The following ZNF385D variants were observed in gnomAD, a reference collection of about 807,000 sequenced individuals.
The protein encoded by ZNF385D is zinc finger protein 659.
ZNF385D carries 15 observed loss-of-function variants against 35.8 expected under a neutral mutation model. The ratio of observed to expected loss-of-function variants is 0.42; its 90% CI spans 0.28 to 0.64. The LOEUF (loss-of-function observed/expected upper bound fraction) is 0.64, where lower values mean the gene tolerates loss of function less well. ZNF385D is among the 30% of genes least tolerant of loss of function. The pLI is 0.23. For missense variants in ZNF385D, 474 were observed against 494.6 expected, an observed-to-expected ratio of 0.96 and a Z score of 0.39; for synonymous variants, 212 against 186.8, an observed-to-expected ratio of 1.13 and a Z score of -1.10.
intron 3 of ZNF385D, among the ~76,000 whole-genome samples, chr3:21,809,661 T>TAG (rs1553672101): frequency 6.7e-6 from 1 of 148,160 alleles, no homozygotes; most frequent in Admixed American, 6.8e-5. Context: ...CATATACATA[T>TAG]ATACACATAT....
chr3:21,941,196 G>C (rs1701498561), intron 3 of ZNF385D, among the ~76,000 whole-genome samples: 1 of 152,074 alleles, frequency 6.6e-6, no homozygotes, highest in African/African-American at 2.4e-5. Context: ...TGGGTTCAAA[G>C]CTTTGATTTT....
chr3:21,905,037 T>C (rs952920861), intron 3 of ZNF385D, among the ~76,000 whole-genome samples: 1 of 151,926 alleles, frequency 6.6e-6, no homozygotes, highest in Non-Finnish European at 1.5e-5. Context: ...CTATAATAGA[T>C]TAAAATACCT....
chr3:21,991,260 C>T (rs953016155), intron 3 of ZNF385D, among the ~76,000 whole-genome samples: 2 of 152,110 alleles, frequency 1.3e-5, no homozygotes, highest in African/African-American at 2.4e-5. Flanking sequence ...TGGCAAAGAT[C>T]GTTTCATGTT....
At chr3:22,306,133 G>A (rs952695994) in intron 2 of ZNF385D, among the ~76,000 whole-genome samples, 4 of 152,006 alleles carry the variant, frequency 2.6e-5, no homozygotes, top group Non-Finnish European at 5.9e-5. Context: ...CTTAATTTGA[G>A]TTATTCTGCT....
In ZNF385D at chr3:21,524,721, A is replaced by G. The variant is rs1237323166; in HGVS notation, c.277-13698T>C. Among the ~76,000 whole-genome samples the G allele has an allele frequency of 2.6e-5, 4 of 152,196 alleles. No homozygotes were observed. The East Asian group carries it at 7.7e-4, about 29-fold the overall frequency. ...TGAGTTGTCCTCCAAACCTGGCAGTAAGGTTGTTCTCCCTGAGTTAAAATT... is the reference window on the plus strand; with the variant it reads ...TGAGTTGTCCTCCAAACCTGGCAGTGAGGTTGTTCTCCCTGAGTTAAAATT... On this transcript the variant is annotated intron_variant, in intron 3 of 7. Coordinates refer to ENST00000281523, the MANE Select transcript of ZNF385D (RefSeq NM_024697.3).
At chr3:21,612,017 C>T (rs1018969465) in intron 2 of ZNF385D, among the ~76,000 whole-genome samples, 1 of 152,190 alleles carries the variant, frequency 6.6e-6, no homozygotes, top group African/African-American at 2.4e-5. Flanking sequence ...AAGTTACCAT[C>T]ATTCTAGGCA....
At chr3:21,933,960 G>A (rs1239617888) in intron 3 of ZNF385D, among the ~76,000 whole-genome samples, 1 of 151,574 alleles carries the variant, frequency 6.6e-6, no homozygotes, top group African/African-American at 2.4e-5. Flanking sequence ...GTGCATTGTT[G>A]CCTCTCAATT....
chr3:21,638,103 C>T (rs1400929037), intron 2 of ZNF385D, among the ~76,000 whole-genome samples: 1 of 152,032 alleles, frequency 6.6e-6, no homozygotes, highest in Non-Finnish European at 1.5e-5. Context: ...GAAACTTTAG[C>T]CAGCATTTTT....
chr3:21,908,158 CTAT>C (rs759976856), intron 3 of ZNF385D, among the ~76,000 whole-genome samples: 4 of 112,348 alleles, frequency 3.6e-5, no homozygotes, highest in African/African-American at 1.0e-4. Context: ...ATCTATCTAT[CTAT>C]CTATCTATCT....
chr3:21,454,161 CAA>C (rs1441007523), intron 4 of ZNF385D, among the ~76,000 whole-genome samples: 1 of 151,742 alleles, frequency 6.6e-6, no homozygotes, highest in African/African-American at 2.4e-5. Flanking sequence ...TTCATAGAGA[CAA>C]AGAGTAGATT....
intron 3 of ZNF385D, among the ~76,000 whole-genome samples, chr3:21,976,183 CA>C (rs1212353044): frequency 6.6e-6 from 1 of 152,052 alleles, no homozygotes; most frequent in African/African-American, 2.4e-5. Context: ...CTTGGCCTGC[CA>C]GAGGATAGGT....
chr3:21,742,552 C>T (rs751580867), intron 1 of ZNF385D, among the ~76,000 whole-genome samples: 10 of 152,200 alleles, frequency 6.6e-5, no homozygotes, highest in Non-Finnish European at 1.0e-4. Context: ...CAGTCGGCCT[C>T]GGCTCAGTTC....
At chr3:22,119,267 A>T (rs534196147) in intron 3 of ZNF385D, among the ~76,000 whole-genome samples, 3 of 152,160 alleles carry the variant, frequency 2.0e-5, no homozygotes, top group Non-Finnish European at 4.4e-5. Flanking sequence ...CATCTTCATT[A>T]CTATAAAATT....
At chr3:21,965,331 G>A (rs1702854614) in intron 3 of ZNF385D, among the ~76,000 whole-genome samples, 1 of 152,108 alleles carries the variant, frequency 6.6e-6, no homozygotes, top group Non-Finnish European at 1.5e-5. Flanking sequence ...ATCAATTACT[G>A]AGTACTTACT....
chr3:21,841,775 G>T (rs963966631), intron 3 of ZNF385D, among the ~76,000 whole-genome samples: 5 of 151,470 alleles, frequency 3.3e-5, no homozygotes, highest in African/African-American at 1.2e-4. Flanking sequence ...TGACTTTATT[G>T]GTTTAATTTT....
At chr3:22,268,518 A>G (rs1269408506) in intron 2 of ZNF385D, among the ~76,000 whole-genome samples, 1 of 151,936 alleles carries the variant, frequency 6.6e-6, no homozygotes, top group African/African-American at 2.4e-5. Context: ...TGCCACAACT[A>G]CTCACCCCAT....
intron 3 of ZNF385D, among the ~76,000 whole-genome samples, chr3:21,920,467 G>A (rs1272723948): frequency 6.6e-5 from 10 of 151,952 alleles, no homozygotes; most frequent in Non-Finnish European, 1.5e-4. Context: ...AATATTAGTA[G>A]GTTTTTTTTA....
At chr3:22,015,424 C>G (rs1351035404) in intron 3 of ZNF385D, among the ~76,000 whole-genome samples, 1 of 152,118 alleles carries the variant, frequency 6.6e-6, no homozygotes, top group Non-Finnish European at 1.5e-5. Context: ...CTTTTCACAC[C>G]TTTCAGCAGA....
At chr3:21,781,267 C>T (rs2071478857) in intron 3 of ZNF385D, among the ~76,000 whole-genome samples, 2 of 152,004 alleles carry the variant, frequency 1.3e-5, no homozygotes, top group South Asian at 4.1e-4. Flanking sequence ...ATAATATTTT[C>T]AGAGGATACA....
Sources: allele counts gnomAD v4.1 joint callset (sites outside exome capture counted in the v4.1 genomes callset), GRCh38; gene constraint gnomAD v4.1.1; transcripts MANE v1.5; gene names NCBI Gene and HGNC (gene_info 2026-07-23, HGNC 2026-07-21).